The following COL19A1 variants were observed in gnomAD, a reference collection of about 807,000 sequenced individuals.
The protein encoded by COL19A1 is collagen alpha-1(XIX) chain.
Under a neutral mutation model 190.2 loss-of-function variants are expected in COL19A1, and 159 were observed. That is an observed-to-expected ratio of 0.84 (90% CI 0.73 to 0.95). COL19A1 has a LOEUF of 0.95. Ranked by LOEUF, COL19A1 falls within the 40% of genes least tolerant of loss-of-function variation. The pLI is 0.00. For synonymous variants in COL19A1, 509 were observed against 458.9 expected, an observed-to-expected ratio of 1.11 and a Z score of -1.39; for missense variants, 1,418 against 1,431.9, an observed-to-expected ratio of 0.99 and a Z score of 0.16.
chr6:69,939,782 G>T (rs1247695443), intron 9 of COL19A1, among the ~76,000 whole-genome samples: 3 of 152,056 alleles, frequency 2.0e-5, no homozygotes, highest in African/African-American at 2.4e-5. Context: ...CTCTTCTCTG[G>T]TTAGAGGGTG....
At chr6:69,920,725 G>C (rs930670373) in intron 4 of COL19A1, among the ~76,000 whole-genome samples, 11 of 151,698 alleles carry the variant, frequency 7.3e-5, no homozygotes, top group Middle Eastern at 3.4e-3. Flanking sequence ...TAGAAAAGTA[G>C]ACAATTTAAA....
At chr6:69,882,298 G>A (rs533729116) in intron 2 of COL19A1, among the ~76,000 whole-genome samples, 13 of 152,046 alleles carry the variant, frequency 8.6e-5, no homozygotes, top group East Asian at 1.9e-4. Flanking sequence ...ATATTCTTTC[G>A]TCAATTTGCC....
intron 9 of COL19A1, 150 bp downstream of exon 9, chr6:69,938,250 T>C (rs1316379158): frequency 9.5e-6 from 7 of 736,622 alleles, no homozygotes; most frequent in East Asian, 2.9e-5. Context: ...ATTACTGAAA[T>C]AGAGACTATC....
At chr6:70,040,421 TC>T (rs550658984) in intron 14 of COL19A1, among the ~76,000 whole-genome samples, 1 of 152,194 alleles carries the variant, frequency 6.6e-6, no homozygotes, top group Non-Finnish European at 1.5e-5. Flanking sequence ...ATTTCACCTC[TC>T]CCTTCCTATC....
At chr6:70,031,917 G>A (rs1779096534) in intron 12 of COL19A1, among the ~76,000 whole-genome samples, 2 of 152,058 alleles carry the variant, frequency 1.3e-5, no homozygotes, top group African/African-American at 4.8e-5. Flanking sequence ...CCTTCACCTA[G>A]TTAAAGAAAA....
rs545119653 is a variant in COL19A1 at position 70,067,961 on chromosome 6, T to A, written c.1171-462T>A. 1.2e-4 allele frequency among the ~76,000 whole-genome samples: 18 copies of A among 152,218 alleles called. No homozygotes were observed. In the South Asian group the frequency reaches 3.5e-3, roughly 30 times the overall value. ...TAAATAATATTTTTAATATTAAAAG[T>A]TCAATGTTATGAGTAGGCATGTTTG... On this transcript the variant is annotated intron_variant, in intron 14 of 50. Transcript: ENST00000620364.
chr6:70,199,867 A>G (rs560210392), intron 49 of COL19A1, 131 bp downstream of exon 49: 284 of 809,846 alleles, frequency 3.5e-4, no homozygotes, highest in Non-Finnish European at 3.2e-4. Flanking sequence ...AATATATGCA[A>G]TATATAAAAT....
At chr6:70,150,663 T>A (rs1786999322) in intron 30 of COL19A1, among the ~76,000 whole-genome samples, 2 of 152,270 alleles carry the variant, frequency 1.3e-5, no homozygotes, top group South Asian at 4.1e-4. Context: ...TATAATAAAA[T>A]CCAAATCTGG....
Position 70,163,864 on chromosome 6 carries a change from C to T in COL19A1, c.2400+468C>T, listed in dbSNP as rs114868838. 2.6e-3 allele frequency among the ~76,000 whole-genome samples: 400 copies of T among 152,288 alleles called. 1 individual carries two copies. The highest frequency in any genetic ancestry group is 9.3e-3 in the African/African-American group (387 of 41,558). On this transcript the variant is annotated intron_variant, in intron 36 of 50. Transcript: ENST00000620364. ...TCCAAGATCAAGGTGCTGGCAGAATCGGTGTCTGACAGAGTCTGCCTTCTT... is the reference window on the plus strand; with the variant it reads ...TCCAAGATCAAGGTGCTGGCAGAATTGGTGTCTGACAGAGTCTGCCTTCTT...
At chr6:69,904,325 C>T (rs888989880) in intron 4 of COL19A1, among the ~76,000 whole-genome samples, 1 of 152,210 alleles carries the variant, frequency 6.6e-6, no homozygotes, top group Non-Finnish European at 1.5e-5. Context: ...CCATTAGCCA[C>T]TCGATTAATG....
intron 15 of COL19A1, among the ~76,000 whole-genome samples, chr6:70,071,838 C>A (rs371031287): frequency 1.3e-5 from 2 of 151,938 alleles, no homozygotes; most frequent in Admixed American, 6.6e-5. Context: ...AACAGAAGAG[C>A]GGTTCTAGAT....
chr6:70,065,916 C>G (rs765934686), intron 14 of COL19A1, among the ~76,000 whole-genome samples: 1 of 152,196 alleles, frequency 6.6e-6, no homozygotes, highest in Non-Finnish European at 1.5e-5. Flanking sequence ...GAGATATTAT[C>G]TCACACCAGT....
At chr6:69,997,124 GA>G (rs1562072306) in intron 11 of COL19A1, among the ~76,000 whole-genome samples, 1 of 151,776 alleles carries the variant, frequency 6.6e-6, no homozygotes. Flanking sequence ...ATATGTGGGG[GA>G]TATCAAATAA....
chr6:70,174,153 T>A (rs1289668950), intron 41 of COL19A1, among the ~76,000 whole-genome samples: 1 of 152,118 alleles, frequency 6.6e-6, no homozygotes, highest in Non-Finnish European at 1.5e-5. Context: ...GAGAGCAAGG[T>A]AGGGTAAGAG....
chr6:70,207,388 G>A lies in COL19A1; in HGVS notation c.*114G>A. ...GCTTTTTTTTTTTTTTTTTTTTTTT[G>A]GGAGTAAGCCAGGCATTAAAAGCAA... On this transcript the variant is annotated 3_prime_UTR_variant, in exon 51 of 51. Coordinates refer to ENST00000620364, the MANE Select transcript of COL19A1 (RefSeq NM_001858.6). 2 of 611,826 alleles carry A rather than the reference G, an allele frequency of 3.3e-6. No individual in the cohort carries two copies. Among genetic ancestry groups the A allele is most frequent in the Non-Finnish European group, 4.6e-6 (2 of 439,036 alleles). The allele number at this position is 611,826 out of a possible 1,614,324, so 37.9% of individuals were successfully genotyped here. A position where few individuals can be genotyped will look rare whatever the true frequency, so the allele number is the denominator to read the frequency against.
At chr6:69,952,804 A>G (rs924495166) in intron 9 of COL19A1, among the ~76,000 whole-genome samples, 2 of 152,032 alleles carry the variant, frequency 1.3e-5, no homozygotes, top group Admixed American at 6.6e-5. Context: ...AAGACATTTT[A>G]TGAGAAGACT....
chr6:69,997,014 C>CATATACAT (rs1776950833), intron 11 of COL19A1, among the ~76,000 whole-genome samples: 1 of 142,692 alleles, frequency 7.0e-6, no homozygotes, highest in South Asian at 2.3e-4. Context: ...TTTATATATA[C>CATATACAT]ATATATATAT....
chr6:70,028,587 A>C (rs1322248798), intron 12 of COL19A1, among the ~76,000 whole-genome samples: 2 of 152,182 alleles, frequency 1.3e-5, no homozygotes, highest in Non-Finnish European at 2.9e-5. Flanking sequence ...TCTCAGTCTG[A>C]TAAAGAAACT....
intron 11 of COL19A1, among the ~76,000 whole-genome samples, chr6:69,990,790 T>C (rs1000748169): frequency 6.6e-6 from 1 of 152,240 alleles, no homozygotes; most frequent in Non-Finnish European, 1.5e-5. Flanking sequence ...TTTGTGATGA[T>C]TGCAGCCATT....
Sources: gnomAD v4.1 joint callset for allele counts (sites outside exome capture counted in the v4.1 genomes callset) on GRCh38, gnomAD v4.1.1 for gene constraint, MANE v1.5 for transcripts, NCBI Gene and HGNC (gene_info 2026-07-23, HGNC 2026-07-21) for gene names.